LCLAT1: variants seen among roughly 807,000 people sequenced by gnomAD.
LCLAT1 encodes the protein 1-AGP acyltransferase 8.
In LCLAT1, 11 loss-of-function variants were observed where a neutral mutation model predicts 30.7. The observed-to-expected ratio is 0.36, with a 90% CI of 0.23 to 0.59. LCLAT1 has a LOEUF of 0.59. Ranked by LOEUF, LCLAT1 falls within the 20% of genes least tolerant of loss-of-function variation. The pLI is 0.77. For synonymous variants in LCLAT1, 155 were observed against 151.3 expected (o/e 1.02, Z -0.18); for missense variants, 402 against 458.6 (o/e 0.88, Z 1.13).
intron 5 of LCLAT1, among the ~76,000 whole-genome samples, chr2:30,601,189 A>ATTTTATCATGGTTCTTAGCTT (rs1558547577): frequency 6.6e-6 from 1 of 152,030 alleles, no homozygotes; most frequent in Non-Finnish European, 1.5e-5. Flanking sequence ...CTCCTGTAAT[A>ATTTTATCATGGTTCTTAGCTT]TTTTATCATG....
At chr2:30,590,378 A>G (rs1666636555) in intron 5 of LCLAT1, among the ~76,000 whole-genome samples, 1 of 151,752 alleles carries the variant, frequency 6.6e-6, no homozygotes, top group Non-Finnish European at 1.5e-5. Flanking sequence ...TAGCTGAAAC[A>G]ACTTTATAGA....
intron 3 of LCLAT1, among the ~76,000 whole-genome samples, chr2:30,539,791 A>T (rs1664041548): frequency 6.6e-6 from 1 of 152,200 alleles, no homozygotes; most frequent in South Asian, 2.1e-4. Context: ...TGTGTACAGA[A>T]TACTGTGTAA....
At chr2:30,516,470 C>T (rs10180872) in intron 1 of LCLAT1, among the ~76,000 whole-genome samples, 36,533 of 152,114 alleles carry the variant, frequency 0.24, 4,919 homozygotes, top group Non-Finnish European at 0.31. Context: ...TGTTTCTGCG[C>T]GGCTAAGTGC....
chr2:30,502,577 T>C (rs972333721), intron 1 of LCLAT1, among the ~76,000 whole-genome samples: 4 of 152,178 alleles, frequency 2.6e-5, no homozygotes, highest in Admixed American at 2.6e-4. Flanking sequence ...TCTGTCTCTG[T>C]AGCTTTGTCT....
chr2:30,523,606 A>G (rs1558495218), intron 1 of LCLAT1, among the ~76,000 whole-genome samples: 2 of 152,280 alleles, frequency 1.3e-5, no homozygotes, highest in Admixed American at 1.3e-4. Context: ...ACAGTGGCTT[A>G]CGCCTGTAAT....
chr2:30,507,898 A>G (rs1558483934), intron 1 of LCLAT1, among the ~76,000 whole-genome samples: 1 of 152,254 alleles, frequency 6.6e-6, no homozygotes, highest in East Asian at 1.9e-4. Flanking sequence ...GAACTAATTT[A>G]CACTCCCACC....
intron 1 of LCLAT1, among the ~76,000 whole-genome samples, chr2:30,473,088 A>G (rs1219399343): frequency 6.6e-6 from 1 of 152,168 alleles, no homozygotes; most frequent in Non-Finnish European, 1.5e-5. Context: ...AGAGATTTCC[A>G]TCTTGGAAAA....
At chr2:30,634,105 A>G (rs559275841) in intron 5 of LCLAT1, among the ~76,000 whole-genome samples, 1 of 152,322 alleles carries the variant, frequency 6.6e-6, no homozygotes, top group East Asian at 1.9e-4. Context: ...AGATTTCCTC[A>G]CTCTGAGACT....
chr2:30,487,333 G>A (rs111765113), intron 1 of LCLAT1, among the ~76,000 whole-genome samples: 3 of 152,206 alleles, frequency 2.0e-5, no homozygotes, highest in Non-Finnish European at 2.9e-5. Flanking sequence ...CTGGTTGGAC[G>A]TCCTTCATTA....
intron 2 of LCLAT1, among the ~76,000 whole-genome samples, chr2:30,531,370 T>A (rs1226745588): frequency 6.6e-6 from 1 of 152,238 alleles, no homozygotes; most frequent in Non-Finnish European, 1.5e-5. Flanking sequence ...TATTTCACTT[T>A]CAAGGGACTT....
intron 1 of LCLAT1, among the ~76,000 whole-genome samples, chr2:30,451,841 A>C (rs1681565373): frequency 1.3e-5 from 2 of 151,362 alleles, no homozygotes; most frequent in South Asian, 4.2e-4. Context: ...CTGCAGAACC[A>C]GTTGTACATC....
chr2:30,467,247 T>A (rs963727257), intron 1 of LCLAT1, among the ~76,000 whole-genome samples: 1 of 152,248 alleles, frequency 6.6e-6, no homozygotes, highest in African/African-American at 2.4e-5. Flanking sequence ...GCTTCATCCA[T>A]GTCCCTACAA....
chr2:30,580,608 T>C (rs1558533668), intron 5 of LCLAT1, among the ~76,000 whole-genome samples: 1 of 151,936 alleles, frequency 6.6e-6, no homozygotes, highest in Non-Finnish European at 1.5e-5. Context: ...GCCTCAAGGA[T>C]GAATAGAAGA....
At chr2:30,534,198 A>G (rs564574908) in intron 3 of LCLAT1, among the ~76,000 whole-genome samples, 50 of 150,212 alleles carry the variant, frequency 3.3e-4, no homozygotes, top group African/African-American at 1.2e-3. Context: ...TAGACTAGCA[A>G]GGGTGTTTGT....
chr2:30,571,334 T>C (rs1422278673), intron 5 of LCLAT1, among the ~76,000 whole-genome samples: 1 of 152,174 alleles, frequency 6.6e-6, no homozygotes, highest in Non-Finnish European at 1.5e-5. Flanking sequence ...AGGTTACATA[T>C]ATAGTGTCAG....
intron 5 of LCLAT1, among the ~76,000 whole-genome samples, chr2:30,572,252 G>A (rs908383244): frequency 6.6e-6 from 1 of 152,112 alleles, no homozygotes; most frequent in Non-Finnish European, 1.5e-5. Context: ...AGTGAAAAAA[G>A]TCATGATTGC....
At chr2:30,492,612 T>C (rs1683890502) in intron 1 of LCLAT1, among the ~76,000 whole-genome samples, 1 of 151,918 alleles carries the variant, frequency 6.6e-6, no homozygotes, top group Non-Finnish European at 1.5e-5. Flanking sequence ...GGGTATATGA[T>C]ACTTTATCCT....
intron 5 of LCLAT1, among the ~76,000 whole-genome samples, chr2:30,635,537 TATA>T (rs559763530): frequency 6.2e-4 from 94 of 152,290 alleles, no homozygotes; most frequent in African/African-American, 2.1e-3. Context: ...TTAATTAAAT[TATA>T]ATATCATTCT....
chr2:30,568,193 A>G lies in LCLAT1; in HGVS notation c.628+17A>G. 2.1e-6 allele frequency: 3 copies of G among 1,418,974 alleles called. No individual in the cohort carries two copies. Among genetic ancestry groups the G allele is most frequent in the Non-Finnish European group, 2.9e-6 (3 of 1,029,504 alleles). The allele number at this position is 1,418,974 out of a possible 1,614,324, so 87.9% of individuals were successfully genotyped here. ...TAAGAGAAGGTAAGCACCCATTTCA[A>G]AATGTACTTTTTAATAAAAGTGGCA... On this transcript the variant is annotated intron_variant, in intron 5 of 5. Transcript: ENST00000379509.
Sources: gnomAD v4.1 joint callset for allele counts (sites outside exome capture counted in the v4.1 genomes callset) on GRCh38, gnomAD v4.1.1 for gene constraint, MANE v1.5 for transcripts, NCBI Gene and HGNC (gene_info 2026-07-23, HGNC 2026-07-21) for gene names.